The following DOCK10 variants were observed in gnomAD, a reference collection of about 807,000 sequenced individuals.
DOCK10 encodes dedicator of cytokinesis protein 10.
Under a neutral mutation model 280.1 loss-of-function variants are expected in DOCK10, and 145 were observed. The observed-to-expected ratio is 0.52, with a 90% CI of 0.45 to 0.59. The LOEUF (loss-of-function observed/expected upper bound fraction) is 0.59, where lower values mean the gene tolerates loss of function less well. DOCK10 is among the 20% of genes least tolerant of loss of function. DOCK10 has a pLI of 0.00. For missense variants in DOCK10, 2,368 were observed against 2,651.7 expected, an observed-to-expected ratio of 0.89 and a Z score of 2.35; for synonymous variants, 915 against 942.2, an observed-to-expected ratio of 0.97 and a Z score of 0.53.
At chr2:224,876,508 C>A (rs770313038) in intron 7 of DOCK10, among the ~76,000 whole-genome samples, 1 of 152,146 alleles carries the variant, frequency 6.6e-6, no homozygotes, top group African/African-American at 2.4e-5. Context: ...ATTCTTAACT[C>A]CTTGTAAGAG....
intron 1 of DOCK10, among the ~76,000 whole-genome samples, chr2:225,014,078 T>C (rs1479143114): frequency 3.3e-5 from 3 of 91,946 alleles, no homozygotes; most frequent in Non-Finnish European, 7.1e-5. Context: ...GAAGTCTGAA[T>C]ATATTGTTTT....
chr2:224,837,916 T>G, intron 24 of DOCK10, 85 bp from the exon 25 acceptor site: 2 of 1,050,132 alleles, frequency 1.9e-6, no homozygotes, highest in African/African-American at 1.6e-5. Context: ...CTTTGTAAAT[T>G]GGGTATTTAA....
intron 11 of DOCK10, among the ~76,000 whole-genome samples, chr2:224,873,038 C>T (rs942392525): frequency 3.9e-5 from 6 of 152,162 alleles, no homozygotes; most frequent in Non-Finnish European, 5.9e-5. Flanking sequence ...TGCTAAAGTA[C>T]TAAGACGAAG....
rs1693509319 is a variant in DOCK10, at chr2:224,807,938, A to G, written c.3558T>C (p.His1186=). Residue 1186 remains histidine, a synonymous_variant, in exon 32 of 56, where the codon CAT becomes CAC. Coordinates refer to ENST00000258390, the MANE Select transcript of DOCK10 (RefSeq NM_014689.3). The part of the protein sequence containing the change: ...LAVLKNLMAK[H]SFDDRYREPR... ...GCTCTCTGTATCGATCATCAAATGA[A>G]TGCTTAGCCATTAGATTTTTTAGGA... The G allele has an allele frequency of 6.8e-6, 11 of 1,612,562 alleles. No individual in the cohort carries two copies. Among genetic ancestry groups the G allele is most frequent in the East Asian group, 2.2e-5 (1 of 44,866 alleles).
At chr2:224,816,761 T>C (rs370932502) in intron 29 of DOCK10, 48 bp from the exon 30 acceptor site, 61 of 1,070,288 alleles carry the variant, frequency 5.7e-5, no homozygotes, top group Non-Finnish European at 8.0e-5. Flanking sequence ...ACCAAGAAAC[T>C]GAATAAAAAC....
chr2:225,003,981 TATCATAAA>T (rs1290631143), intron 1 of DOCK10, among the ~76,000 whole-genome samples: 17 of 152,244 alleles, frequency 1.1e-4, no homozygotes, highest in African/African-American at 4.1e-4. Flanking sequence ...AGGAGATAGT[TATCATAAA>T]ATGATGATAA....
At chr2:224,905,876 T>C (rs898781155) in intron 3 of DOCK10, among the ~76,000 whole-genome samples, 2 of 152,128 alleles carry the variant, frequency 1.3e-5, no homozygotes, top group African/African-American at 2.4e-5. Flanking sequence ...ACCTGCCTTC[T>C]CAGTTCCAGC....
At chr2:224,949,860 C>A (rs1343151312) in intron 1 of DOCK10, among the ~76,000 whole-genome samples, 6 of 152,160 alleles carry the variant, frequency 3.9e-5, no homozygotes, top group African/African-American at 1.4e-4. Context: ...TTGCCTGGTA[C>A]ATAGTATGCA....
At chr2:224,917,709 A>G (rs116466388) in intron 2 of DOCK10, among the ~76,000 whole-genome samples, 2,269 of 152,348 alleles carry the variant, frequency 0.015, 36 homozygotes, top group Non-Finnish European at 0.024. Context: ...TATGTTAATT[A>G]ATATATAAAG....
At position 224,770,713 on chromosome 2, in the gene DOCK10, GGAGCA is replaced by G; in HGVS notation, c.6205-73_6205-69del. On this transcript the variant is annotated intron_variant, in intron 53 of 55. Transcript: ENST00000258390. This position sits in a 1 kb window ranked among gnomAD's most constrained non-coding sequence, Gnocchi z 4.5. ...TGGAGTCTTTTCCACCGCTGGAAGA[GGAGCA>G]ACTGTGCACCAATGGTGTGGTACCC... The G allele has an allele frequency of 8.7e-7, 1 of 1,153,922 alleles. No individual in the cohort carries two copies. Among genetic ancestry groups the G allele is most frequent in the Non-Finnish European group, 1.3e-6 (1 of 766,132 alleles). The allele number at this position is 1,153,922 out of a possible 1,614,324, so 71.5% of individuals were successfully genotyped here.
chr2:225,028,768 T>C (rs1224463123), intron 1 of DOCK10, among the ~76,000 whole-genome samples: 1 of 152,158 alleles, frequency 6.6e-6, no homozygotes, highest in African/African-American at 2.4e-5. Context: ...CCTTTCCCTG[T>C]GCTCATGAAC....
intron 1 of DOCK10, among the ~76,000 whole-genome samples, chr2:224,971,043 A>G (rs1372079709): frequency 6.6e-6 from 1 of 152,244 alleles, no homozygotes; most frequent in East Asian, 1.9e-4. Flanking sequence ...ACTTTGTAGA[A>G]GCTACAGATA....
intron 27 of DOCK10, among the ~76,000 whole-genome samples, chr2:224,828,048 T>C (rs1185738025): frequency 6.6e-6 from 1 of 152,224 alleles, no homozygotes; most frequent in African/African-American, 2.4e-5. Context: ...GGCCTCTCCC[T>C]GCTAGAAATC....
chr2:224,963,507 T>G (rs1167841873), intron 1 of DOCK10, among the ~76,000 whole-genome samples: 1 of 152,230 alleles, frequency 6.6e-6, no homozygotes, highest in Non-Finnish European at 1.5e-5. Context: ...TTGTATTGAT[T>G]AAGCCATAGT....
chr2:224,781,195 T>C (rs957851178), intron 50 of DOCK10, among the ~76,000 whole-genome samples: 1 of 152,244 alleles, frequency 6.6e-6, no homozygotes, highest in Non-Finnish European at 1.5e-5. Flanking sequence ...AAATACATAC[T>C]TTCAGCTTCT....
chr2:224,823,494 A>AG lies in DOCK10; in HGVS notation c.3183+6_3183+7insC. 6.3e-7 allele frequency: 1 copy of AG among 1,591,460 alleles called. No individual in the cohort carries two copies. Among genetic ancestry groups the AG allele is most frequent in the Non-Finnish European group, 8.5e-7 (1 of 1,172,898 alleles). On this transcript the variant is annotated splice_region_variant and intron_variant, in intron 28 of 55. Coordinates refer to ENST00000258390, the MANE Select transcript of DOCK10 (RefSeq NM_014689.3). ...TTGAATAGAACTGCGATCTCATATA[A>AG]CTGTACCTTGAGAAATCTGGCAACG... is the stretch of plus-strand genomic sequence containing the variant.
chr2:224,842,371 T>C (rs1696023013), intron 22 of DOCK10, among the ~76,000 whole-genome samples: 1 of 152,214 alleles, frequency 6.6e-6, no homozygotes, highest in Non-Finnish European at 1.5e-5. Context: ...CTCATTATCT[T>C]AGGATAGAAC....
intron 47 of DOCK10, among the ~76,000 whole-genome samples, chr2:224,792,727 C>T (rs375339553): frequency 3.9e-5 from 6 of 152,308 alleles, no homozygotes; most frequent in African/African-American, 1.4e-4. Context: ...ATGGCTGTAA[C>T]TCATAAACTT....
chr2:224,775,296 G>C (rs963842311), intron 51 of DOCK10, among the ~76,000 whole-genome samples, 181 bp from the exon 52 acceptor site: 15 of 152,318 alleles, frequency 9.8e-5, no homozygotes, highest in African/African-American at 3.4e-4. Context: ...CTGGACTGCA[G>C]CTGAGCAGCC....
Sources: allele counts gnomAD v4.1 joint callset (sites outside exome capture counted in the v4.1 genomes callset), GRCh38; gene constraint gnomAD v4.1.1; non-coding constraint Gnocchi (gnomAD v3.1); transcripts MANE v1.5; gene names NCBI Gene and HGNC (gene_info 2026-07-23, HGNC 2026-07-21).